The following BSDC1 variants were observed in gnomAD, a reference collection of about 807,000 sequenced individuals.
The protein encoded by BSDC1 is BSD domain containing 1.
In BSDC1, 29 loss-of-function variants were observed where a neutral mutation model predicts 56.0. That is an observed-to-expected ratio of 0.52 (90% CI 0.39 to 0.71). The LOEUF is 0.71. Among genes scored for constraint, BSDC1 ranks in the 30% least tolerant of loss-of-function variants. The probability of loss-of-function intolerance (pLI) is 0.00; values close to 1 mark genes in which losing one functional copy is unlikely to be tolerated. For synonymous variants in BSDC1, 210 were observed against 215.3 expected (o/e 0.98, Z 0.21); for missense variants, 477 against 548.5 (o/e 0.87, Z 1.30).
rs1287094579 is a variant in BSDC1 at position 32,376,440 on chromosome 1, A to T, written c.978T>A (p.Thr326=). The T allele has an allele frequency of 6.2e-7, 1 of 1,613,340 alleles. No individual in the cohort carries two copies. Among genetic ancestry groups the T allele is most frequent in the Non-Finnish European group, 8.5e-7 (1 of 1,179,376 alleles). The change falls in exon 9 of 11, where the codon ACT becomes ACA. Residue 326 remains threonine, a synonymous_variant. Transcript: ENST00000455895. ...TGGAGTGAATAGGGGGTGAGGGTCCAGTCTCACCCACATCCACAGCCAGGC... is the reference window on the plus strand; with the variant it reads ...TGGAGTGAATAGGGGGTGAGGGTCCTGTCTCACCCACATCCACAGCCAGGC... ...EQGLAVDVGE[T]GPSPPIHSKP...
At chr1:32,386,159 A>T (rs1405673079) in intron 3 of BSDC1, among the ~76,000 whole-genome samples, 1 of 152,172 alleles carries the variant, frequency 6.6e-6, no homozygotes, top group East Asian at 1.9e-4. Context: ...TCTACTAAAA[A>T]ATACAAAAAA....
At chr1:32,369,214 A>G (rs1641977384) in intron 9 of BSDC1, 2 of 1,261,460 alleles carry the variant, frequency 1.6e-6, no homozygotes, top group Middle Eastern at 2.1e-4. Context: ...CATGCCAAAC[A>G]GCCTTAAACT....
Position 32,386,803 on chromosome 1 carries a change from G to T in BSDC1, c.165C>A (p.Ala55=), listed in dbSNP as rs745635743. 5.6e-6 allele frequency: 9 copies of T among 1,612,710 alleles called. No homozygotes were observed. In the African/African-American group the frequency reaches 9.3e-5, roughly 17 times the overall value. Residue 55 remains alanine (A), a synonymous_variant, in exon 3 of 11, where the codon GCC becomes GCA. Transcript: ENST00000455895. ...HDTACTIAAT[A]SVVKEKLATE... The stretch of plus-strand genomic sequence containing the variant: ...CAGCCAGCTTCTCCTTGACCACGCT[G>T]GCCGTGGCTGCGATGGTACAGGCCG...
In BSDC1 at chr1:32,364,635, C is replaced by T. The variant is rs547474241; in HGVS notation, c.*1987G>A. 1.3e-5 allele frequency among the ~76,000 whole-genome samples: 2 copies of T among 152,300 alleles called. No homozygotes were observed. Among genetic ancestry groups the T allele is most frequent in the South Asian group, 4.1e-4 (2 of 4,832 alleles). ...TGTATTTTTAGTAGAGATGGGGTTT[C>T]ACCATGTTGGCCAGGCTGGTCTGGA... On this transcript the variant is annotated 3_prime_UTR_variant, in exon 11 of 11. Transcript: ENST00000455895.
chr1:32,376,199 A>G, intron 9 of BSDC1, 63 bp downstream of exon 9: 1 of 1,385,572 alleles, frequency 7.2e-7, no homozygotes, highest in Non-Finnish European at 9.4e-7. Context: ...CAAGGAGACA[A>G]ATCTGCCTCA....
At chr1:32,374,384 CT>C (rs1642201947) in intron 9 of BSDC1, among the ~76,000 whole-genome samples, 1 of 152,212 alleles carries the variant, frequency 6.6e-6, no homozygotes, top group Admixed American at 6.5e-5. Context: ...AGTCACATGA[CT>C]TATGAACAAA....
chr1:32,366,560 G>T lies in BSDC1; in HGVS notation c.*62C>A. 1 of 1,407,104 alleles carries T rather than the reference G, an allele frequency of 7.1e-7. No homozygotes were observed. Among genetic ancestry groups the T allele is most frequent in the South Asian group, 1.2e-5 (1 of 81,080 alleles). 87.2% of individuals were successfully genotyped at this position (1,407,104 alleles called of 1,614,324 possible). ...AACATTCTCAGTCTTCCAGGGCTGGGCTGAGACGAGCGAGGGAGGCGAGAG... is the reference window on the plus strand; with the variant it reads ...AACATTCTCAGTCTTCCAGGGCTGGTCTGAGACGAGCGAGGGAGGCGAGAG... On this transcript the variant is annotated 3_prime_UTR_variant, in exon 11 of 11. Coordinates refer to ENST00000455895, the MANE Select transcript of BSDC1 (RefSeq NM_018045.8).
chr1:32,376,882 C>A, intron 8 of BSDC1, 141 bp from the exon 9 acceptor site: 1 of 1,016,984 alleles, frequency 9.8e-7, no homozygotes, highest in Non-Finnish European at 1.3e-6. Flanking sequence ...TGTAATCCCA[C>A]CACTTTGGGA....
At chr1:32,367,147 G>A in intron 10 of BSDC1, 1 of 985,908 alleles carries the variant, frequency 1.0e-6, no homozygotes, top group Non-Finnish European at 1.2e-6. Context: ...AGGTGGCAGT[G>A]GCCTACAGAT....
At chr1:32,374,697 T>C in intron 9 of BSDC1, 1 of 152,276 alleles carries the variant, frequency 6.6e-6, no homozygotes, top group Non-Finnish European at 1.5e-5. Flanking sequence ...ACTCACCAAC[T>C]CTCCTATACG....
In BSDC1 at chr1:32,394,110, C is replaced by A. The variant is rs1272296411; in HGVS notation, c.42G>T (p.Leu14=). 6.2e-7 allele frequency: 1 copy of A among 1,610,188 alleles called. No individual in the cohort carries two copies. Among genetic ancestry groups the A allele is most frequent in the Non-Finnish European group, 8.5e-7 (1 of 1,178,458 alleles). Residue 14 remains leucine (L), a synonymous_variant, in exon 2 of 11, where the codon CTG becomes CTT. Transcript: ENST00000455895. ...GEDVGWWRSW[L]QQSYQAVKEK... ...CTTTGACTGCTTGGTAGCTCTGCTG[C>A]AGCCAGCTCCGCCACCATCCCACGT...
At position 32,365,958 on chromosome 1, in the gene BSDC1, TG is replaced by T. The variant is rs2148101980; in HGVS notation, c.*663del. On this transcript the variant is annotated 3_prime_UTR_variant, in exon 11 of 11. Transcript: ENST00000455895. ...GGGTGCATCCGACATGAAGAAGCCC[TG>T]GGAAGGCATGGGGACAGACCAGCGT... 6.5e-6 allele frequency: 1 copy of T among 153,672 alleles called. No individual in the cohort carries two copies. Among genetic ancestry groups the T allele is most frequent in the Admixed American group, 6.5e-5 (1 of 15,404 alleles). The allele number at this position is 153,672 out of a possible 1,614,324, so 9.5% of individuals were successfully genotyped here.
chr1:32,369,187 GAGA>G, intron 9 of BSDC1: 1 of 1,090,920 alleles, frequency 9.2e-7, no homozygotes, highest in Non-Finnish European at 1.2e-6. Flanking sequence ...GGTTAGGCTG[GAGA>G]AGAACTTCAC....
intron 2 of BSDC1, among the ~76,000 whole-genome samples, chr1:32,392,488 C>T (rs985487877): frequency 6.6e-5 from 10 of 152,000 alleles, no homozygotes; most frequent in East Asian, 3.9e-4. Context: ...AGAATGAAGA[C>T]GGAAGGTTGG....
At chr1:32,368,003 G>C in intron 10 of BSDC1, 1 of 1,132,746 alleles carries the variant, frequency 8.8e-7, no homozygotes, top group Non-Finnish European at 1.1e-6. Context: ...AGAAGGTCAG[G>C]CAGGGTTTGA....
intron 2 of BSDC1, among the ~76,000 whole-genome samples, chr1:32,387,295 C>T (rs1434718706): frequency 2.0e-5 from 3 of 151,026 alleles, no homozygotes; most frequent in Admixed American, 6.6e-5. Context: ...CTTTAAATCA[C>T]GATATTCATA....
At chr1:32,369,146 G>A (rs1187444618) in intron 9 of BSDC1, 2 of 630,700 alleles carry the variant, frequency 3.2e-6, no homozygotes, top group Admixed American at 6.5e-5. Flanking sequence ...TAAACAGTGA[G>A]TTACATGGTG....
rs1036507899 is a variant in BSDC1 at position 32,366,250 on chromosome 1, G to A, written c.*372C>T. 75 of 403,238 alleles carry A rather than the reference G, an allele frequency of 1.9e-4. 3 individuals are homozygous for A. The highest frequency in any genetic ancestry group is 1.6e-3 in the South Asian group (71 of 43,218). 25.0% of individuals were successfully genotyped at this position (403,238 alleles called of 1,614,324 possible). A position where few individuals can be genotyped will look rare whatever the true frequency, so the allele number is the denominator to read the frequency against. On this transcript the variant is annotated 3_prime_UTR_variant, in exon 11 of 11. Transcript: ENST00000455895. Reference sequence around the variant, plus strand: ...TCTCAGCTTCCTCCGAGAGAGACTGGTGGTTTAGCTTCTGTCTACACAGGC... The same window carrying A: ...TCTCAGCTTCCTCCGAGAGAGACTGATGGTTTAGCTTCTGTCTACACAGGC...
At chr1:32,386,994 C>G in intron 2 of BSDC1, 99 bp from the exon 3 acceptor site, 3 of 909,014 alleles carry the variant, frequency 3.3e-6, no homozygotes, top group Non-Finnish European at 5.2e-6. Context: ...AAATGGAAAT[C>G]TCCAGCGGCA....
Sources: gnomAD v4.1 joint callset for allele counts (sites outside exome capture counted in the v4.1 genomes callset) on GRCh38, gnomAD v4.1.1 for gene constraint, MANE v1.5 for transcripts, NCBI Gene and HGNC (gene_info 2026-07-23, HGNC 2026-07-21) for gene names.